The following INIP variants were observed in gnomAD, a reference collection of about 807,000 sequenced individuals.
INIP encodes the protein SOSS complex subunit C.
INIP carries 9 observed loss-of-function variants against 14.0 expected under a neutral mutation model. That is an observed-to-expected ratio of 0.64 (90% CI 0.39 to 1.12). INIP has a LOEUF of 1.12. INIP is among the 50% of genes most tolerant of loss of function. The probability of loss-of-function intolerance (pLI) is 0.01; values close to 1 mark genes in which losing one functional copy is unlikely to be tolerated. For synonymous variants in INIP, 37 were observed against 41.5 expected, an observed-to-expected ratio of 0.89 and a Z score of 0.41; for missense variants, 78 against 122.7, an observed-to-expected ratio of 0.64 and a Z score of 1.72.
intron 2 of INIP, among the ~76,000 whole-genome samples, chr9:112,696,395 C>A (rs1838098030): frequency 6.6e-6 from 1 of 152,140 alleles, no homozygotes; most frequent in South Asian, 2.1e-4. Flanking sequence ...GAGAAGTCTT[C>A]TACTCAAGGA....
chr9:112,693,843 G>A (rs1837978835), intron 3 of INIP, among the ~76,000 whole-genome samples: 2 of 152,246 alleles, frequency 1.3e-5, no homozygotes, highest in African/African-American at 2.4e-5. Context: ...GGGAGACCAA[G>A]GCGGGTGGAT....
intron 2 of INIP, among the ~76,000 whole-genome samples, chr9:112,703,623 AT>A (rs1363739981): frequency 6.6e-6 from 1 of 152,194 alleles, no homozygotes; most frequent in Non-Finnish European, 1.5e-5. Context: ...GGAAAAAAAT[AT>A]CAAAATCGAT....
At position 112,706,045 on chromosome 9, in the gene INIP, C is replaced by G. The variant is rs138142174; in HGVS notation, c.25+10416G>C. On this transcript the variant is annotated intron_variant, in intron 2 of 4. Coordinates refer to ENST00000374242, the MANE Select transcript of INIP (RefSeq NM_021218.3). The stretch of plus-strand genomic sequence containing the variant: ...CCGCAGGGAAAAGTTAATCCAGGAT[C>G]GGAGACAGGCAGTGAGATAGAGACT... 1.2e-3 allele frequency among the ~76,000 whole-genome samples: 179 copies of G among 152,220 alleles called. 1 individual carries two copies. Among genetic ancestry groups the G allele is most frequent in the African/African-American group, 4.1e-3 (170 of 41,538 alleles).
At chr9:112,688,113 T>TAAATAAAC in intron 4 of INIP, among the ~76,000 whole-genome samples, 1 of 151,752 alleles carries the variant, frequency 6.6e-6, no homozygotes, top group Admixed American at 6.6e-5. Context: ...AATAAATAAA[T>TAAATAAAC]AAATAAATAA....
At chr9:112,694,054 G>T in intron 3 of INIP, 77 bp downstream of exon 3, 1 of 919,250 alleles carries the variant, frequency 1.1e-6, no homozygotes, top group Non-Finnish European at 1.7e-6. Flanking sequence ...CAGCCTGGGG[G>T]ACAGGGCGAG....
rs1337615279 is a variant in INIP at position 112,683,959 on chromosome 9, A to T, written c.*3579T>A. The T allele has an allele frequency of 7.6e-6, 1 of 131,134 alleles. No homozygotes were observed. Among genetic ancestry groups the T allele is most frequent in the East Asian group, 2.0e-4 (1 of 4,926 alleles). 8.1% of individuals were successfully genotyped at this position (131,134 alleles called of 1,614,324 possible). On this transcript the variant is annotated 3_prime_UTR_variant, in exon 5 of 5. Transcript: ENST00000374242. ...AAATCACTAAGTCATTTCAGTTTTT[A>T]TTCCAGGGTCAAAGCACTGACATCT...
chr9:112,689,116 G>C (rs554594915), intron 4 of INIP, among the ~76,000 whole-genome samples: 1 of 151,482 alleles, frequency 6.6e-6, no homozygotes, highest in Non-Finnish European at 1.5e-5. Context: ...CAACAGTTGT[G>C]CTGAGCATTT....
At chr9:112,705,087 G>C (rs1437975486) in intron 2 of INIP, among the ~76,000 whole-genome samples, 1 of 141,054 alleles carries the variant, frequency 7.1e-6, no homozygotes, top group Non-Finnish European at 1.5e-5. Context: ...TTCCACCCTG[G>C]GTAACAGAGT....
chr9:112,712,191 T>C (rs559410257), intron 2 of INIP, among the ~76,000 whole-genome samples: 1 of 152,308 alleles, frequency 6.6e-6, no homozygotes, highest in Non-Finnish European at 1.5e-5. Flanking sequence ...TTCATGCATA[T>C]AAAATCCACT....
At chr9:112,715,173 C>CAT (rs1406940329) in intron 2 of INIP, among the ~76,000 whole-genome samples, 2 of 134,204 alleles carry the variant, frequency 1.5e-5, no homozygotes, top group South Asian at 2.2e-4. Flanking sequence ...CACACACACA[C>CAT]ACACACGGTT....
chr9:112,698,660 C>T (rs150140759), intron 2 of INIP, among the ~76,000 whole-genome samples: 131 of 152,272 alleles, frequency 8.6e-4, no homozygotes, highest in African/African-American at 3.1e-3. Flanking sequence ...AAGTGTACCC[C>T]AACCCTGACC....
intron 2 of INIP, 140 bp from the exon 3 acceptor site, chr9:112,694,373 T>G: frequency 1.7e-6 from 1 of 598,804 alleles, no homozygotes. Flanking sequence ...AATTCACCAG[T>G]AAGTACTTTC....
At chr9:112,705,318 A>T (rs1006943296) in intron 2 of INIP, among the ~76,000 whole-genome samples, 10 of 151,848 alleles carry the variant, frequency 6.6e-5, no homozygotes, top group East Asian at 1.9e-4. Context: ...TTTTAAAAAA[A>T]TTTTTTTTGA....
At chr9:112,696,382 C>T (rs1406860001) in intron 2 of INIP, among the ~76,000 whole-genome samples, 2 of 152,108 alleles carry the variant, frequency 1.3e-5, no homozygotes, top group African/African-American at 2.4e-5. Context: ...ACGCCTGTCT[C>T]GAGAGAAGTC....
intron 2 of INIP, among the ~76,000 whole-genome samples, chr9:112,707,240 C>CTT (rs745697280): frequency 1.4e-4 from 17 of 124,272 alleles, no homozygotes; most frequent in South Asian, 2.7e-4. Flanking sequence ...TGCCCGGCCT[C>CTT]TTTTTTTTTT....
intron 2 of INIP, among the ~76,000 whole-genome samples, chr9:112,710,266 T>A (rs1265302366): frequency 6.6e-6 from 1 of 152,184 alleles, no homozygotes; most frequent in Non-Finnish European, 1.5e-5. Flanking sequence ...CCAAAATCAA[T>A]AGTTCCTACT....
At chr9:112,694,686 G>A (rs1252815429) in intron 2 of INIP, among the ~76,000 whole-genome samples, 1 of 152,036 alleles carries the variant, frequency 6.6e-6, no homozygotes. Flanking sequence ...CCTTTTTCAT[G>A]GGGGGAAAAA....
intron 3 of INIP, 68 bp downstream of exon 3, chr9:112,694,063 A>C (rs1418999051): frequency 9.4e-7 from 1 of 1,064,008 alleles, no homozygotes; most frequent in East Asian, 2.5e-5. Flanking sequence ...GGACAGGGCG[A>C]GACTCCGTCT....
At chr9:112,688,993 G>A (rs1837783552) in intron 4 of INIP, among the ~76,000 whole-genome samples, 1 of 152,046 alleles carries the variant, frequency 6.6e-6, no homozygotes, top group Non-Finnish European at 1.5e-5. Flanking sequence ...AATTATTCAA[G>A]ATGAGACTGT....
Sources: allele counts gnomAD v4.1 joint callset (sites outside exome capture counted in the v4.1 genomes callset), GRCh38; gene constraint gnomAD v4.1.1; transcripts MANE v1.5; gene names NCBI Gene and HGNC (gene_info 2026-07-23, HGNC 2026-07-21).